Variants in SIGLEC15 observed in about 807,000 individuals in gnomAD.
SIGLEC15 encodes sialic acid-binding Ig-like lectin 15.
Under a neutral mutation model 26.2 loss-of-function variants are expected in SIGLEC15, and 31 were observed. The observed-to-expected ratio is 1.18, with a 90% CI of 0.89 to 1.60. The LOEUF (loss-of-function observed/expected upper bound fraction) is 1.60. Ranked by LOEUF, SIGLEC15 falls within the 40% of genes most tolerant of loss-of-function variation. The pLI is 0.00. For synonymous variants in SIGLEC15, 207 were observed against 221.9 expected (o/e 0.93, Z 0.60); for missense variants, 501 against 488.4 (o/e 1.03, Z -0.24).
At chr18:45,837,004 C>A in intron 1 of SIGLEC15, 25 bp from the exon 2 acceptor site, 1 of 1,167,686 alleles carries the variant, frequency 8.6e-7, no homozygotes. Context: ...ACGTGTAACC[C>A]GGGGTTAACT....
At chr18:45,837,983 G>T in intron 3 of SIGLEC15, 87 bp downstream of exon 3, 4 of 1,380,646 alleles carry the variant, frequency 2.9e-6, no homozygotes, top group Non-Finnish European at 3.7e-6. Context: ...GCCAGGCGCT[G>T]TGCTGAGCCA....
Position 45,837,835 on chromosome 18 carries a change from G to A in SIGLEC15, c.435G>A (p.Glu145=). 1 of 1,535,906 alleles carries A rather than the reference G, an allele frequency of 6.5e-7. No homozygotes were observed. Among genetic ancestry groups the A allele is most frequent in the Non-Finnish European group, 8.7e-7 (1 of 1,151,610 alleles). The change falls in exon 3 of 6, where the codon GAG becomes GAA. Residue 145 remains glutamate (E), a synonymous_variant. Transcript: ENST00000389474. ...ADDRRYFCRV[E]FAGDVHDRYE... ...ACCGCCGCTACTTCTGCCGCGTCGA[G>A]TTCGCCGGCGACGTCCATGACCGCT...
chr18:45,839,506 A>G (rs926127951), intron 4 of SIGLEC15, among the ~76,000 whole-genome samples: 1 of 152,098 alleles, frequency 6.6e-6, no homozygotes, highest in Non-Finnish European at 1.5e-5. Context: ...TGAATATGGC[A>G]TGGTCCCCTG....
chr18:45,838,435 G>C, intron 3 of SIGLEC15: 1 of 506,286 alleles, frequency 2.0e-6, no homozygotes, highest in South Asian at 3.0e-5. Context: ...ATTTGCTAGG[G>C]AGCCGGGACC....
chr18:45,829,844 G>A (rs561816580), intron 1 of SIGLEC15, among the ~76,000 whole-genome samples: 8 of 152,216 alleles, frequency 5.3e-5, no homozygotes, highest in African/African-American at 1.9e-4. Flanking sequence ...CTGCCCACTT[G>A]GTTCCATCCT....
intron 1 of SIGLEC15, among the ~76,000 whole-genome samples, chr18:45,827,367 C>T (rs1219159776): frequency 6.6e-6 from 1 of 152,196 alleles, no homozygotes; most frequent in Non-Finnish European, 1.5e-5. Flanking sequence ...CCACCCCACA[C>T]AGCCATGGAC....
chr18:45,833,634 T>G (rs995103476), intron 1 of SIGLEC15, among the ~76,000 whole-genome samples: 1 of 152,196 alleles, frequency 6.6e-6, no homozygotes. Context: ...TTAAATGAGA[T>G]GAGGATATCA....
intron 4 of SIGLEC15, 90 bp downstream of exon 4, chr18:45,839,185 T>G: frequency 7.6e-7 from 1 of 1,322,710 alleles, no homozygotes; most frequent in Non-Finnish European, 9.6e-7. Context: ...CCCCTGGCAC[T>G]GCCAGAATGT....
Position 45,825,790 on chromosome 18 carries a change from T to C in SIGLEC15, c.52+10T>C. ...TGGGTTCTCCCGACAGGTGAGTGTC[T>C]GCTACTCTCTCTGGCCCATGCTCGG... On this transcript the variant is annotated intron_variant, in intron 1 of 5. Coordinates refer to ENST00000389474, the MANE Select transcript of SIGLEC15 (RefSeq NM_213602.3). The C allele has an allele frequency of 1.2e-6, 2 of 1,614,158 alleles. No homozygotes were observed. The highest frequency in any genetic ancestry group is 1.7e-6 in the Non-Finnish European group (2 of 1,179,972).
At chr18:45,828,487 AC>A (rs2048204680) in intron 1 of SIGLEC15, among the ~76,000 whole-genome samples, 1 of 151,860 alleles carries the variant, frequency 6.6e-6, no homozygotes, top group African/African-American at 2.4e-5. Flanking sequence ...AGCTCCAACC[AC>A]CCGAGTGACC....
chr18:45,836,586 C>A (rs2048277898), intron 1 of SIGLEC15, among the ~76,000 whole-genome samples: 1 of 152,228 alleles, frequency 6.6e-6, no homozygotes, highest in Non-Finnish European at 1.5e-5. Context: ...CAGACCCTGG[C>A]TCAACCACAC....
chr18:45,837,496 G>C lies in SIGLEC15; in HGVS notation c.113-17G>C, dbSNP rs910600947. ...ACCCCAGGGCCCCGAGCCTGACGCA[G>C]CCCGCCCCGCCCTCAGGCTCGCCAG... On this transcript the variant is annotated splice_polypyrimidine_tract_variant and intron_variant, in intron 2 of 5. Coordinates refer to ENST00000389474, the MANE Select transcript of SIGLEC15 (RefSeq NM_213602.3). 39 of 1,468,200 alleles carry C rather than the reference G, an allele frequency of 2.7e-5. No homozygotes were observed. In the East Asian group the frequency reaches 1.0e-3, roughly 39 times the overall value. 90.9% of individuals were successfully genotyped at this position (1,468,200 alleles called of 1,614,324 possible).
intron 5 of SIGLEC15, among the ~76,000 whole-genome samples, chr18:45,841,317 A>T (rs2048322914): frequency 6.6e-6 from 1 of 152,112 alleles, no homozygotes; most frequent in African/African-American, 2.4e-5. Flanking sequence ...AGACAGGGAC[A>T]GTAGGGGCAG....
chr18:45,836,536 T>G, intron 1 of SIGLEC15, among the ~76,000 whole-genome samples: 1 of 151,912 alleles, frequency 6.6e-6, no homozygotes, highest in East Asian at 1.9e-4. Flanking sequence ...CACCCTGCAG[T>G]TCACCAGCCC....
intron 5 of SIGLEC15, 126 bp downstream of exon 5, chr18:45,840,367 G>C: frequency 9.1e-7 from 1 of 1,104,338 alleles, no homozygotes; most frequent in South Asian, 1.7e-5. Context: ...TTGACCAGGG[G>C]CTGGGCCTTC....
chr18:45,832,519 T>C (rs1421848123), intron 1 of SIGLEC15, among the ~76,000 whole-genome samples: 2 of 152,150 alleles, frequency 1.3e-5, no homozygotes, highest in Non-Finnish European at 2.9e-5. Flanking sequence ...AAAAGTCTGA[T>C]GAAGAATGGC....
rs1164517789 is a variant in SIGLEC15, at chr18:45,837,827, C to G, written c.427C>G (p.Arg143Gly). ...GGCTGACGACCGCCGCTACTTCTGC[C>G]GCGTCGAGTTCGCCGGCGACGTCCA... The part of the protein sequence containing the change: ...ALADDRRYFC[R>G]VEFAGDVHDR... The change falls in exon 3 of 6, where the codon CGC (arginine) becomes GGC (glycine). Residue 143 changes from arginine (R) to glycine (G), a missense_variant. Transcript: ENST00000389474. The G allele has an allele frequency of 6.5e-7, 1 of 1,535,972 alleles. No homozygotes were observed. The highest frequency in any genetic ancestry group is 1.2e-5 in the South Asian group (1 of 84,298).
intron 2 of SIGLEC15, among the ~76,000 whole-genome samples, chr18:45,837,298 G>A (rs185355595): frequency 3.9e-5 from 6 of 152,340 alleles, no homozygotes; most frequent in African/African-American, 1.4e-4. Flanking sequence ...CAAGTCGAGG[G>A]AGTGCAGGCC....
At chr18:45,839,987 C>A (rs2048311301) in intron 4 of SIGLEC15, among the ~76,000 whole-genome samples, 1 of 152,172 alleles carries the variant, frequency 6.6e-6, no homozygotes, top group Admixed American at 6.5e-5. Flanking sequence ...TCAGGGTGCT[C>A]AGAAGAACGG....
Sources: gnomAD v4.1 joint callset for allele counts (sites outside exome capture counted in the v4.1 genomes callset) on GRCh38, gnomAD v4.1.1 for gene constraint, MANE v1.5 for transcripts, NCBI Gene and HGNC (gene_info 2026-07-23, HGNC 2026-07-21) for gene names.